The following GRIK4 variants were observed in gnomAD, a reference collection of about 807,000 sequenced individuals.
GRIK4 encodes the protein glutamate ionotropic receptor kainate type subunit 4.
A neutral mutation model predicts 104.9 loss-of-function variants in GRIK4; 40 were observed. That is an observed-to-expected ratio of 0.38 (90% CI 0.30 to 0.50). GRIK4 has a LOEUF of 0.50. Among genes scored for constraint, GRIK4 ranks in the 20% least tolerant of loss-of-function variants. The pLI is 0.93. For missense variants in GRIK4, 1,047 were observed against 1,308.1 expected (o/e 0.80, Z 3.08); for synonymous variants, 485 against 524.9 (o/e 0.92, Z 1.04).
At chr11:120,895,853 C>T (rs960518734) in intron 11 of GRIK4, among the ~76,000 whole-genome samples, 2 of 152,214 alleles carry the variant, frequency 1.3e-5, no homozygotes, top group Non-Finnish European at 2.9e-5. Context: ...TACCCTTTCC[C>T]CATTCATTTG....
At chr11:120,888,203 A>G (rs1955175330) in intron 11 of GRIK4, among the ~76,000 whole-genome samples, 1 of 152,200 alleles carries the variant, frequency 6.6e-6, no homozygotes, top group Non-Finnish European at 1.5e-5. Flanking sequence ...TCGAATGTTT[A>G]CTAAATGTTT....
At chr11:120,714,961 T>TA (rs1212037944) in intron 3 of GRIK4, among the ~76,000 whole-genome samples, 1 of 150,612 alleles carries the variant, frequency 6.6e-6, no homozygotes, top group East Asian at 1.9e-4. Flanking sequence ...GAGACTCCTT[T>TA]AGCTGCAGAG....
intron 3 of GRIK4, among the ~76,000 whole-genome samples, chr11:120,776,243 A>G (rs1016264471): frequency 5.3e-5 from 8 of 152,106 alleles, no homozygotes; most frequent in Admixed American, 3.9e-4. Context: ...TCACATCTCT[A>G]CCGCACCTCT....
chr11:120,585,344 T>TC (rs200214580), intron 1 of GRIK4, among the ~76,000 whole-genome samples: 1,950 of 72,500 alleles, frequency 0.027, 40 homozygotes, highest in African/African-American at 0.059. Context: ...TCTCTCTCTC[T>TC]TTTTTTTTTT....
intron 8 of GRIK4, among the ~76,000 whole-genome samples, chr11:120,843,727 G>C (rs147944319): frequency 6.6e-6 from 1 of 152,160 alleles, no homozygotes; most frequent in Admixed American, 6.5e-5. Context: ...AAATTGTGAG[G>C]TTGTATTAGG....
chr11:120,740,175 T>C (rs1246594747), intron 3 of GRIK4, among the ~76,000 whole-genome samples: 3 of 152,306 alleles, frequency 2.0e-5, no homozygotes, highest in African/African-American at 7.2e-5. Flanking sequence ...ACTCTCCACT[T>C]CAAGAATTTT....
At chr11:120,891,647 A>T (rs571960887) in intron 11 of GRIK4, among the ~76,000 whole-genome samples, 7 of 152,300 alleles carry the variant, frequency 4.6e-5, no homozygotes, top group Admixed American at 1.3e-4. Flanking sequence ...GGCTCTAGGG[A>T]TAAAAGGGCA....
chr11:120,717,854 G>A (rs544004829), intron 3 of GRIK4, among the ~76,000 whole-genome samples: 1 of 152,252 alleles, frequency 6.6e-6, no homozygotes, highest in South Asian at 2.1e-4. Flanking sequence ...AGGCTCCACG[G>A]GCTTAGGCCT....
intron 8 of GRIK4, among the ~76,000 whole-genome samples, chr11:120,845,123 C>G (rs977600526): frequency 6.6e-6 from 1 of 152,178 alleles, no homozygotes; most frequent in African/African-American, 2.4e-5. Context: ...TGATCTAGTC[C>G]TGTCCTCTGT....
intron 3 of GRIK4, among the ~76,000 whole-genome samples, chr11:120,668,880 G>A (rs1324682644): frequency 6.6e-6 from 1 of 152,188 alleles, no homozygotes; most frequent in African/African-American, 2.4e-5. Context: ...CCTGTTTTAT[G>A]CTTTTATAAG....
intron 3 of GRIK4, among the ~76,000 whole-genome samples, chr11:120,796,386 C>G (rs1952516568): frequency 6.6e-6 from 1 of 152,086 alleles, no homozygotes; most frequent in African/African-American, 2.4e-5. Context: ...GATGCAGAAC[C>G]CACAGATATG....
chr11:120,936,303 C>T, intron 13 of GRIK4: 1 of 513,370 alleles, frequency 1.9e-6, no homozygotes, highest in Non-Finnish European at 3.9e-6. Context: ...AATGGACAGG[C>T]CAGGATGTTC....
At chr11:120,833,847 C>T (rs1309586052) in intron 7 of GRIK4, among the ~76,000 whole-genome samples, 6 of 152,268 alleles carry the variant, frequency 3.9e-5, no homozygotes, top group African/African-American at 9.6e-5. Context: ...TTTCTGTAAG[C>T]GCTTTTTGTC....
chr11:120,734,770 G>A lies in GRIK4; in HGVS notation c.83-67923G>A, dbSNP rs75669586. On this transcript the variant is annotated intron_variant, in intron 3 of 20. Coordinates refer to ENST00000527524, the MANE Select transcript of GRIK4 (RefSeq NM_014619.5). ...GTATTTTCAAATAGCCTGTCTTCAG[G>A]CTCACTAATTCCTCCTTCTGGTTGA... 4.6e-3 allele frequency among the ~76,000 whole-genome samples: 695 copies of A among 152,054 alleles called. 25 individuals carry two copies. The East Asian group carries it at 0.086, about 19-fold the overall frequency.
At chr11:120,573,052 T>C (rs1948421667) in intron 1 of GRIK4, among the ~76,000 whole-genome samples, 1 of 152,206 alleles carries the variant, frequency 6.6e-6, no homozygotes, top group Non-Finnish European at 1.5e-5. Context: ...TAATTTGAGG[T>C]ATTTAAAATG....
intron 20 of GRIK4, among the ~76,000 whole-genome samples, chr11:120,982,543 A>C (rs1944669238): frequency 6.6e-6 from 1 of 151,964 alleles, no homozygotes; most frequent in Non-Finnish European, 1.5e-5. Flanking sequence ...AGATATCCCG[A>C]CTCATGCGAA....
chr11:120,617,993 C>G (rs1484984560), intron 1 of GRIK4, among the ~76,000 whole-genome samples: 1 of 152,134 alleles, frequency 6.6e-6, no homozygotes, highest in Non-Finnish European at 1.5e-5. Flanking sequence ...GGGTAATAGG[C>G]AGAGGCTGAG....
chr11:120,565,784 C>T (rs911280990), intron 1 of GRIK4, among the ~76,000 whole-genome samples: 4 of 152,196 alleles, frequency 2.6e-5, no homozygotes, highest in African/African-American at 9.7e-5. Context: ...ACTTATAATT[C>T]AGAGGTAATA....
intron 3 of GRIK4, among the ~76,000 whole-genome samples, chr11:120,750,825 C>T (rs948018132): frequency 3.9e-5 from 6 of 152,132 alleles, no homozygotes; most frequent in Admixed American, 3.9e-4. Flanking sequence ...ACAGATGCTT[C>T]CATGGACTCT....
Sources: allele counts gnomAD v4.1 joint callset (sites outside exome capture counted in the v4.1 genomes callset), GRCh38; gene constraint gnomAD v4.1.1; transcripts MANE v1.5; gene names NCBI Gene and HGNC (gene_info 2026-07-23, HGNC 2026-07-21).